CDH20: variants seen among roughly 807,000 people sequenced by gnomAD.
CDH20 encodes the protein cadherin 20.
CDH20 carries 29 observed loss-of-function variants against 74.2 expected under a neutral mutation model. The observed-to-expected ratio is 0.39, with a 90% CI of 0.29 to 0.53. The LOEUF is 0.53. CDH20 is among the 20% of genes least tolerant of loss of function. The probability of loss-of-function intolerance (pLI) is 0.69; values close to 1 mark genes in which losing one functional copy is unlikely to be tolerated. For synonymous variants in CDH20, 469 were observed against 405.4 expected (o/e 1.16, Z -1.88); for missense variants, 988 against 1,048.3 (o/e 0.94, Z 0.79).
intron 1 of CDH20, among the ~76,000 whole-genome samples, chr18:61,397,916 T>C (rs1912037291): frequency 6.6e-6 from 1 of 152,176 alleles, no homozygotes; most frequent in Non-Finnish European, 1.5e-5. Flanking sequence ...GCCTTAATCG[T>C]AAGAGATGCA....
Position 61,441,524 on chromosome 18 carries a change from A to G in CDH20, c.-152-48878A>G, listed in dbSNP as rs78633232. ...TAGGTGAACCAAATAAGCAATAAATATAGACTTTACACACAGAAAGTTTCC... is the reference window on the plus strand; with the variant it reads ...TAGGTGAACCAAATAAGCAATAAATGTAGACTTTACACACAGAAAGTTTCC... On this transcript the variant is annotated intron_variant, in intron 1 of 11. Transcript: ENST00000262717. 8.1e-3 allele frequency among the ~76,000 whole-genome samples: 1,231 copies of G among 152,284 alleles called. 21 individuals are homozygous for G. The highest frequency in any genetic ancestry group is 0.028 in the African/African-American group (1,171 of 41,562).
At chr18:61,422,962 C>T (rs183881336) in intron 1 of CDH20, among the ~76,000 whole-genome samples, 2 of 152,132 alleles carry the variant, frequency 1.3e-5, no homozygotes, top group African/African-American at 4.8e-5. Context: ...ACACAGAGAG[C>T]GCAATTGTTA....
At chr18:61,429,557 T>C (rs1386142762) in intron 1 of CDH20, among the ~76,000 whole-genome samples, 2 of 152,232 alleles carry the variant, frequency 1.3e-5, no homozygotes, top group Non-Finnish European at 2.9e-5. Flanking sequence ...TTTTCTACTG[T>C]AGCCACAACT....
intron 1 of CDH20, among the ~76,000 whole-genome samples, chr18:61,396,706 C>T (rs1911992462): frequency 6.6e-6 from 1 of 152,230 alleles, no homozygotes; most frequent in Non-Finnish European, 1.5e-5. Context: ...TCCATAAATG[C>T]ACATGTGCAA....
At chr18:61,448,681 T>C (rs1407341502) in intron 1 of CDH20, among the ~76,000 whole-genome samples, 1 of 152,204 alleles carries the variant, frequency 6.6e-6, no homozygotes. Context: ...ATGAGACATA[T>C]TAAGGTTGTT....
At chr18:61,458,301 G>C (rs913899837) in intron 1 of CDH20, among the ~76,000 whole-genome samples, 1 of 152,130 alleles carries the variant, frequency 6.6e-6, no homozygotes, top group African/African-American at 2.4e-5. Flanking sequence ...TAAAAATCCT[G>C]TTCTAAAAAG....
chr18:61,381,291 G>T (rs991544467), intron 1 of CDH20, among the ~76,000 whole-genome samples: 1 of 152,114 alleles, frequency 6.6e-6, no homozygotes, highest in African/African-American at 2.4e-5. Context: ...AGATTTAAAG[G>T]TATGTACTGT....
rs147050812 is a variant in CDH20, at chr18:61,393,752, T to A, written c.-153+59925T>A. Among the ~76,000 whole-genome samples the A allele has an allele frequency of 5.3e-5, 8 of 152,332 alleles. No individual in the cohort carries two copies. In the East Asian group the frequency reaches 1.5e-3, roughly 29 times the overall value. ...CGTTCATAAGTTTAGGTAATCATTTTCCTGACCAGTTATATAAAAATAATT... is the reference window on the plus strand; with the variant it reads ...CGTTCATAAGTTTAGGTAATCATTTACCTGACCAGTTATATAAAAATAATT... On this transcript the variant is annotated intron_variant, in intron 1 of 11. Coordinates refer to ENST00000262717, the MANE Select transcript of CDH20 (RefSeq NM_031891.4).
chr18:61,442,242 T>G (rs906249821), intron 1 of CDH20, among the ~76,000 whole-genome samples: 3 of 151,880 alleles, frequency 2.0e-5, no homozygotes, highest in African/African-American at 7.3e-5. Flanking sequence ...TCCCAGCTAC[T>G]TGGGAGACTG....
chr18:61,499,529 T>TATATACAC, intron 3 of CDH20, 49 bp downstream of exon 3: 1 of 1,046,296 alleles, frequency 9.6e-7, no homozygotes, highest in Non-Finnish European at 1.4e-6. Flanking sequence ...CCTATATATA[T>TATATACAC]ACACACACAC....
At chr18:61,383,411 T>C (rs1911498625) in intron 1 of CDH20, among the ~76,000 whole-genome samples, 1 of 152,010 alleles carries the variant, frequency 6.6e-6, no homozygotes, top group South Asian at 2.1e-4. Context: ...TAAAAACCCG[T>C]CTTTACTAAA....
chr18:61,352,348 C>T (rs1206195475), intron 1 of CDH20, among the ~76,000 whole-genome samples: 4 of 152,158 alleles, frequency 2.6e-5, no homozygotes, highest in Admixed American at 6.5e-5. Context: ...TGGGGATGCA[C>T]TCAGAACTTC....
intron 1 of CDH20, among the ~76,000 whole-genome samples, chr18:61,420,917 G>T (rs1912854792): frequency 6.6e-6 from 1 of 152,136 alleles, no homozygotes; most frequent in South Asian, 2.1e-4. Flanking sequence ...AGCTGGGCGT[G>T]TGGCGTGCCT....
intron 1 of CDH20, among the ~76,000 whole-genome samples, chr18:61,486,712 C>T (rs1402517080): frequency 6.6e-6 from 1 of 152,140 alleles, no homozygotes; most frequent in Non-Finnish European, 1.5e-5. Flanking sequence ...AAAACCATGA[C>T]ACCACTGTCT....
chr18:61,468,184 C>A (rs942899205), intron 1 of CDH20, among the ~76,000 whole-genome samples: 10 of 152,212 alleles, frequency 6.6e-5, no homozygotes, highest in African/African-American at 2.2e-4. Context: ...TCTGCAAGAG[C>A]AGCCGTGATC....
At chr18:61,410,927 G>A (rs1288028030) in intron 1 of CDH20, among the ~76,000 whole-genome samples, 6 of 152,160 alleles carry the variant, frequency 3.9e-5, no homozygotes. Flanking sequence ...GGGGCTGAGC[G>A]CGGTGGCTCA....
At chr18:61,380,162 G>A (rs931250179) in intron 1 of CDH20, among the ~76,000 whole-genome samples, 9 of 152,182 alleles carry the variant, frequency 5.9e-5, no homozygotes, top group Non-Finnish European at 1.3e-4. Context: ...CTTCAGGGGA[G>A]GAAGGCCAAT....
chr18:61,547,016 C>A (rs945986425), intron 10 of CDH20, among the ~76,000 whole-genome samples: 1 of 152,122 alleles, frequency 6.6e-6, no homozygotes, highest in African/African-American at 2.4e-5. Flanking sequence ...CACAGCAAGA[C>A]CCTATCTCTG....
At chr18:61,542,011 G>A (rs1913059247) in intron 9 of CDH20, among the ~76,000 whole-genome samples, 1 of 152,184 alleles carries the variant, frequency 6.6e-6, no homozygotes, top group African/African-American at 2.4e-5. Context: ...AGCCCTGTAA[G>A]CAACCAGCTC....
Sources: allele counts gnomAD v4.1 joint callset (sites outside exome capture counted in the v4.1 genomes callset), GRCh38; gene constraint gnomAD v4.1.1; transcripts MANE v1.5; gene names NCBI Gene and HGNC (gene_info 2026-07-23, HGNC 2026-07-21).